PLCB1: variants seen among roughly 807,000 people sequenced by gnomAD.
PLCB1 encodes 1-phosphatidylinositol 4,5-bisphosphate phosphodiesterase beta-1.
A neutral mutation model predicts 161.8 loss-of-function variants in PLCB1; 46 were observed. That is an observed-to-expected ratio of 0.28 (90% CI 0.22 to 0.36). PLCB1 has a LOEUF of 0.36. Among genes scored for constraint, PLCB1 ranks in the 10% least tolerant of loss-of-function variants. The pLI is 1.00. For synonymous variants in PLCB1, 517 were observed against 503.7 expected, an observed-to-expected ratio of 1.03 and a Z score of -0.35; for missense variants, 1,016 against 1,472.5, an observed-to-expected ratio of 0.69 and a Z score of 5.07.
chr20:8,817,351 T>G (rs1985130022), intron 31 of PLCB1, among the ~76,000 whole-genome samples: 1 of 152,128 alleles, frequency 6.6e-6, no homozygotes, highest in South Asian at 2.1e-4. Flanking sequence ...TTGGTAGAAC[T>G]TGGTATTGAA....
At chr20:8,756,147 A>G (rs1232383918) in intron 23 of PLCB1, among the ~76,000 whole-genome samples, 4 of 152,130 alleles carry the variant, frequency 2.6e-5, no homozygotes, top group Non-Finnish European at 4.4e-5. Context: ...GATTCTGACA[A>G]CTTTCACATT....
In PLCB1 at chr20:8,697,630, C is replaced by G. The variant is rs760110304; in HGVS notation, c.1014C>G (p.Gly338=). ...TGTTTTGTTGGTGTTTTATAGCTGG[C>G]CAACTGGCTGGAAACTCCTCTGTTG... The part of the protein sequence containing the change: ...NSSHNTYLTA[G]QLAGNSSVEM... The change falls in exon 11 of 32, where the codon GGC becomes GGG. Residue 338 remains glycine, a synonymous_variant. Transcript: ENST00000338037. 1.9e-6 allele frequency: 3 copies of G among 1,613,910 alleles called. No individual in the cohort carries two copies. The highest frequency in any genetic ancestry group is 2.5e-6 in the Non-Finnish European group (3 of 1,179,874).
chr20:8,485,343 T>C (rs1243478178), intron 3 of PLCB1, among the ~76,000 whole-genome samples: 3 of 152,220 alleles, frequency 2.0e-5, no homozygotes, highest in East Asian at 1.9e-4. Flanking sequence ...AAGTTATCTA[T>C]TTTTTTCCAG....
rs150524366 is a variant in PLCB1, at chr20:8,525,185, A to T, written c.247-103109A>T. ...AAAAAAAAGTAATTTTTCAACTCAAATTGAAGGGCAGTGGATAGAGAGGGG... is the reference window on the plus strand; with the variant it reads ...AAAAAAAAGTAATTTTTCAACTCAATTTGAAGGGCAGTGGATAGAGAGGGG... On this transcript the variant is annotated intron_variant, in intron 3 of 31. Coordinates refer to ENST00000338037, the MANE Select transcript of PLCB1 (RefSeq NM_015192.4). Among the ~76,000 whole-genome samples the T allele has an allele frequency of 7.6e-3, 1,161 of 152,166 alleles. 27 individuals are homozygous for T. Among genetic ancestry groups the T allele is most frequent in the African/African-American group, 0.027 (1,117 of 41,506 alleles).
At chr20:8,194,618 T>C (rs1486587099) in intron 2 of PLCB1, among the ~76,000 whole-genome samples, 2 of 151,988 alleles carry the variant, frequency 1.3e-5, no homozygotes, top group Non-Finnish European at 2.9e-5. Flanking sequence ...AGAAAAAATA[T>C]GGAAACATGG....
intron 2 of PLCB1, among the ~76,000 whole-genome samples, chr20:8,366,423 C>T (rs1287750563): frequency 6.6e-6 from 1 of 152,166 alleles, no homozygotes. Context: ...TGATAATTAA[C>T]ATCTTCAGCA....
intron 2 of PLCB1, among the ~76,000 whole-genome samples, chr20:8,250,043 A>G (rs192071701): frequency 6.6e-6 from 1 of 152,094 alleles, no homozygotes; most frequent in African/African-American, 2.4e-5. Context: ...ACTCACTTCA[A>G]TTCCTGACTT....
intron 2 of PLCB1, among the ~76,000 whole-genome samples, chr20:8,185,917 A>G (rs2051899170): frequency 6.6e-6 from 1 of 152,142 alleles, no homozygotes; most frequent in Non-Finnish European, 1.5e-5. Flanking sequence ...ATGAATGAGG[A>G]TATCTATCAA....
At chr20:8,687,418 G>C (rs1385882915) in intron 10 of PLCB1, among the ~76,000 whole-genome samples, 1 of 152,252 alleles carries the variant, frequency 6.6e-6, no homozygotes, top group East Asian at 1.9e-4. Flanking sequence ...GTGGAGATTT[G>C]TAAGATGAGA....
chr20:8,732,811 T>C (rs907116203), intron 18 of PLCB1, among the ~76,000 whole-genome samples: 2 of 144,656 alleles, frequency 1.4e-5, no homozygotes, highest in Non-Finnish European at 3.0e-5. Context: ...ATATGTTAGA[T>C]ATTAGATATT....
intron 2 of PLCB1, among the ~76,000 whole-genome samples, chr20:8,343,530 T>G (rs1178708545): frequency 6.6e-6 from 1 of 152,218 alleles, no homozygotes; most frequent in Non-Finnish European, 1.5e-5. Context: ...CTTCATTGTT[T>G]CACTGTCACC....
intron 3 of PLCB1, among the ~76,000 whole-genome samples, chr20:8,383,104 C>T (rs917409831): frequency 4.1e-5 from 6 of 145,484 alleles, no homozygotes; most frequent in African/African-American, 1.7e-4. Flanking sequence ...TTTTCTGTCT[C>T]ATTGATCTGT....
At chr20:8,425,217 G>A (rs968953788) in intron 3 of PLCB1, among the ~76,000 whole-genome samples, 2 of 151,580 alleles carry the variant, frequency 1.3e-5, no homozygotes, top group Admixed American at 1.3e-4. Flanking sequence ...TCAGAGGCTA[G>A]GGTGAAGTTA....
intron 2 of PLCB1, among the ~76,000 whole-genome samples, chr20:8,191,829 C>A (rs2051973912): frequency 6.6e-6 from 1 of 151,964 alleles, no homozygotes; most frequent in African/African-American, 2.4e-5. Flanking sequence ...TTAGTCAATG[C>A]TCAGGTGTCT....
chr20:8,256,720 C>T (rs912554820), intron 2 of PLCB1: 2 of 152,062 alleles, frequency 1.3e-5, no homozygotes, highest in South Asian at 2.1e-4. Context: ...TCCTCCCTAC[C>T]CTTTTCATTG....
At chr20:8,393,427 T>G (rs1475623989) in intron 3 of PLCB1, among the ~76,000 whole-genome samples, 2 of 152,164 alleles carry the variant, frequency 1.3e-5, no homozygotes, top group African/African-American at 4.8e-5. Context: ...ATACCAGCAC[T>G]TTGGAAGGCC....
At chr20:8,190,419 G>T (rs2123107818) in intron 2 of PLCB1, among the ~76,000 whole-genome samples, 1 of 152,200 alleles carries the variant, frequency 6.6e-6, no homozygotes, top group African/African-American at 2.4e-5. Flanking sequence ...ACCCTAGTGT[G>T]ATTTTAAAGT....
chr20:8,326,886 G>A (rs1343604393), intron 2 of PLCB1, among the ~76,000 whole-genome samples: 2 of 152,048 alleles, frequency 1.3e-5, no homozygotes, highest in Admixed American at 1.3e-4. Context: ...CTAGATGGAG[G>A]TTTTTTGTTT....
intron 3 of PLCB1, among the ~76,000 whole-genome samples, chr20:8,374,170 T>C (rs953996843): frequency 2.6e-5 from 4 of 152,120 alleles, no homozygotes; most frequent in Non-Finnish European, 5.9e-5. Context: ...GTGGAGGTAA[T>C]TGAATCATGG....
Sources: allele counts gnomAD v4.1 joint callset (sites outside exome capture counted in the v4.1 genomes callset), GRCh38; gene constraint gnomAD v4.1.1; transcripts MANE v1.5; gene names NCBI Gene and HGNC (gene_info 2026-07-23, HGNC 2026-07-21).